The following PTPRM variants were observed in gnomAD, a reference collection of about 807,000 sequenced individuals.
PTPRM encodes receptor-type tyrosine-protein phosphatase mu.
In PTPRM, 47 loss-of-function variants were observed where a neutral mutation model predicts 186.7. The ratio of observed to expected loss-of-function variants is 0.25; its 90% CI spans 0.20 to 0.32. The LOEUF is 0.32. Among genes scored for constraint, PTPRM ranks in the 10% least tolerant of loss-of-function variants. PTPRM has a pLI of 1.00. For missense variants in PTPRM, 1,494 were observed against 1,865.0 expected, an observed-to-expected ratio of 0.80 and a Z score of 3.66; for synonymous variants, 668 against 674.9, an observed-to-expected ratio of 0.99 and a Z score of 0.16.
At chr18:7,980,512 T>C (rs1231112834) in intron 7 of PTPRM, among the ~76,000 whole-genome samples, 3 of 151,962 alleles carry the variant, frequency 2.0e-5, no homozygotes, top group African/African-American at 7.3e-5. Flanking sequence ...GCCTCCCAGG[T>C]AGCTAGGACT....
chr18:8,211,323 G>A lies in PTPRM; in HGVS notation c.2301-32735G>A, dbSNP rs150973818. On this transcript the variant is annotated intron_variant, in intron 14 of 32. Coordinates refer to ENST00000580170, the MANE Select transcript of PTPRM (RefSeq NM_001105244.2). ...CACAGTCATCTCAGCATCAGAACAG[G>A]GTGGAAGGTGGAGAACCTTGGGGAA... 3.4e-3 allele frequency among the ~76,000 whole-genome samples: 513 copies of A among 151,426 alleles called. 2 individuals carry two copies. The highest frequency in any genetic ancestry group is 5.5e-3 in the Non-Finnish European group (376 of 67,828).
At chr18:8,096,090 G>A (rs1235613235) in intron 11 of PTPRM, among the ~76,000 whole-genome samples, 3 of 152,134 alleles carry the variant, frequency 2.0e-5, no homozygotes, top group Non-Finnish European at 4.4e-5. Flanking sequence ...ATGACTGTAC[G>A]TGTTGAGGTG....
intron 20 of PTPRM, among the ~76,000 whole-genome samples, chr18:8,304,144 G>T (rs937534811): frequency 6.6e-6 from 1 of 152,210 alleles, no homozygotes. Context: ...TTCTGCCGCT[G>T]TGGGAATATC....
At chr18:8,083,440 T>C (rs1007057481) in intron 9 of PTPRM, among the ~76,000 whole-genome samples, 1 of 152,090 alleles carries the variant, frequency 6.6e-6, no homozygotes, top group African/African-American at 2.4e-5. Context: ...GATTAACTCC[T>C]TGGGAAAGTT....
intron 1 of PTPRM, among the ~76,000 whole-genome samples, chr18:7,585,721 C>T (rs2036962490): frequency 6.6e-6 from 1 of 152,142 alleles, no homozygotes; most frequent in Non-Finnish European, 1.5e-5. Context: ...TCCCACTTAA[C>T]CATGGCCACT....
chr18:8,179,748 A>G (rs1383215537), intron 14 of PTPRM, among the ~76,000 whole-genome samples: 1 of 152,168 alleles, frequency 6.6e-6, no homozygotes, highest in African/African-American at 2.4e-5. Flanking sequence ...GATTACAGGC[A>G]TGAGCCACTG....
At chr18:8,283,688 G>A (rs112933375) in intron 19 of PTPRM, among the ~76,000 whole-genome samples, 1,876 of 152,194 alleles carry the variant, frequency 0.012, 39 homozygotes, top group African/African-American at 0.042. Flanking sequence ...TGGTGCAATC[G>A]TAACTCACTG....
At chr18:7,752,942 G>A (rs188272693) in intron 1 of PTPRM, among the ~76,000 whole-genome samples, 2 of 151,952 alleles carry the variant, frequency 1.3e-5, no homozygotes, top group Non-Finnish European at 2.9e-5. Flanking sequence ...TATTCTTTCT[G>A]TCTAACCCCT....
intron 14 of PTPRM, among the ~76,000 whole-genome samples, chr18:8,209,859 A>C (rs994512082): frequency 4.6e-5 from 7 of 151,892 alleles, no homozygotes; most frequent in Non-Finnish European, 1.0e-4. Flanking sequence ...ATTAGGACAA[A>C]TAACTGATAC....
At chr18:8,178,283 A>G (rs530688881) in intron 14 of PTPRM, among the ~76,000 whole-genome samples, 1 of 152,356 alleles carries the variant, frequency 6.6e-6, no homozygotes, top group South Asian at 2.1e-4. Context: ...AAACTCAAAA[A>G]GAACTGATGA....
At chr18:8,041,879 T>C (rs1340540073) in intron 7 of PTPRM, among the ~76,000 whole-genome samples, 1 of 152,252 alleles carries the variant, frequency 6.6e-6, no homozygotes, top group African/African-American at 2.4e-5. Flanking sequence ...TTGTCTCTCT[T>C]TAGAACTCTC....
intron 13 of PTPRM, among the ~76,000 whole-genome samples, chr18:8,115,863 G>T (rs1411761492): frequency 6.6e-6 from 1 of 152,186 alleles, no homozygotes; most frequent in East Asian, 1.9e-4. Context: ...CTTTTAGTCA[G>T]TGTTAGCTCA....
At chr18:8,067,705 AT>A (rs1369389347) in intron 7 of PTPRM, among the ~76,000 whole-genome samples, 1 of 152,230 alleles carries the variant, frequency 6.6e-6, no homozygotes, top group Non-Finnish European at 1.5e-5. Context: ...GACACAAAGA[AT>A]TTATGCACAA....
At chr18:7,609,520 CT>C (rs11444902) in intron 1 of PTPRM, among the ~76,000 whole-genome samples, 8,353 of 139,216 alleles carry the variant, frequency 0.06, 240 homozygotes, top group South Asian at 0.13. Context: ...TGCCTGTCTC[CT>C]TTTTTTTTTT....
chr18:7,673,054 C>T (rs889385543), intron 1 of PTPRM, among the ~76,000 whole-genome samples: 1 of 152,192 alleles, frequency 6.6e-6, no homozygotes, highest in Non-Finnish European at 1.5e-5. Flanking sequence ...TAACCTATAT[C>T]AATGCTGCTA....
intron 7 of PTPRM, among the ~76,000 whole-genome samples, chr18:8,007,470 G>A (rs2084259619): frequency 1.3e-5 from 2 of 152,064 alleles, no homozygotes; most frequent in African/African-American, 4.8e-5. Flanking sequence ...TATGATTAGG[G>A]AACATTCTGG....
rs568884707 is a variant in PTPRM at position 8,070,075 on chromosome 18, G to C, written c.1441+81G>C. The C allele has an allele frequency of 1.5e-5, 19 of 1,293,794 alleles. No individual in the cohort carries two copies. The African/African-American group carries it at 2.8e-4, about 19-fold the overall frequency. 80.1% of individuals were successfully genotyped at this position (1,293,794 alleles called of 1,614,324 possible). On this transcript the variant is annotated intron_variant, in intron 8 of 32. Transcript: ENST00000580170. ...TTTGTTTCGAGATCTTTGCTGTGCA[G>C]ATGGAAGAAAGAACTACTTATTTTG...
At chr18:8,073,721 A>T (rs543782995) in intron 8 of PTPRM, among the ~76,000 whole-genome samples, 1 of 152,310 alleles carries the variant, frequency 6.6e-6, no homozygotes, top group African/African-American at 2.4e-5. Flanking sequence ...CCTGGGAAAC[A>T]TAGTGAGACC....
At chr18:7,989,570 A>G (rs1039596539) in intron 7 of PTPRM, among the ~76,000 whole-genome samples, 31 of 152,060 alleles carry the variant, frequency 2.0e-4, no homozygotes, top group Non-Finnish European at 4.3e-4. Flanking sequence ...CTGTCCACCC[A>G]CTATGCATAT....
Sources: allele counts gnomAD v4.1 joint callset (sites outside exome capture counted in the v4.1 genomes callset), GRCh38; gene constraint gnomAD v4.1.1; transcripts MANE v1.5; gene names NCBI Gene and HGNC (gene_info 2026-07-23, HGNC 2026-07-21).